Variants in AHDC1 observed in about 807,000 individuals in gnomAD.
AHDC1 encodes the protein transcription factor Gibbin.
AHDC1 carries 7 observed loss-of-function variants against 87.9 expected under a neutral mutation model. That is an observed-to-expected ratio of 0.08 (90% CI 0.05 to 0.15). The LOEUF is 0.15. Ranked by LOEUF, AHDC1 falls within the 10% of genes least tolerant of loss-of-function variation. The pLI is 1.00. For missense variants in AHDC1, 1,841 were observed against 2,253.2 expected (o/e 0.82, Z 3.70); for synonymous variants, 1,051 against 1,006.8 (o/e 1.04, Z -0.83).
At chr1:27,602,116 CAGTCAGGCACTGGTGCAGAACCG>C (rs2089544955) in intron 3 of AHDC1, among the ~76,000 whole-genome samples, 1 of 152,128 alleles carries the variant, frequency 6.6e-6, no homozygotes, top group Non-Finnish European at 1.5e-5. Flanking sequence ...CTGGCCCTGC[CAGTCAGGCACTGGTGCAGAACCG>C]AGGGCACCAG....
intron 3 of AHDC1, among the ~76,000 whole-genome samples, chr1:27,589,849 C>T (rs2089174632): frequency 6.6e-6 from 1 of 152,186 alleles, no homozygotes; most frequent in Non-Finnish European, 1.5e-5. Context: ...CACCCTCCGC[C>T]CTGGGGGAGC....
intron 3 of AHDC1, among the ~76,000 whole-genome samples, chr1:27,599,011 G>A (rs1259956198): frequency 6.6e-6 from 1 of 152,160 alleles, no homozygotes; most frequent in African/African-American, 2.4e-5. Context: ...TGGGGAAACT[G>A]AGGCCCAAGA....
At chr1:27,559,178 A>T (rs1247151648) in intron 3 of AHDC1, among the ~76,000 whole-genome samples, 2 of 151,870 alleles carry the variant, frequency 1.3e-5, no homozygotes, top group African/African-American at 4.8e-5. Context: ...CAGCCTCCCG[A>T]GTAGCTGGGG....
rs539332275 is a variant in AHDC1 at position 27,550,959 on chromosome 1, C to A, written c.1157G>T (p.Arg386Leu). 1 of 1,596,630 alleles carries A rather than the reference C, an allele frequency of 6.3e-7. No homozygotes were observed. Among genetic ancestry groups the A allele is most frequent in the East Asian group, 2.2e-5 (1 of 44,664 alleles). Residue 386 changes from arginine to leucine, a missense_variant, in exon 8 of 9, where the codon CGC becomes CTC. Around this residue, in one of 13 missense-constraint regions of AHDC1, gnomAD observed 370 missense variants for 391.5 expected, o/e 0.95. Transcript: ENST00000673934. ...ACACAGGATCTTTGGCCTATCAGTG[C>A]GCCGCAAGGCGTACTTGGGGTGACC... ...PEGHPKYALRRTDRPKILCRR... is the reference protein window; with the variant it reads ...PEGHPKYALRLTDRPKILCRR...
At chr1:27,582,959 C>T (rs1354030842) in intron 3 of AHDC1, among the ~76,000 whole-genome samples, 1 of 152,166 alleles carries the variant, frequency 6.6e-6, no homozygotes, top group Non-Finnish European at 1.5e-5. Flanking sequence ...GTCACCCAGG[C>T]TGCAGTGCAA....
rs534873028 is a variant in AHDC1, at chr1:27,562,581, C to T, written c.-628-3698G>A. ...ATCTGAAGAATGCTGGGTCCCTCCC[C>T]CTGGGGAACAGTCCCACGGGCTGAC... is the stretch of plus-strand genomic sequence containing the variant. On this transcript the variant is annotated intron_variant, in intron 3 of 8. Coordinates refer to ENST00000673934, the MANE Select transcript of AHDC1 (RefSeq NM_001371928.1). This position sits in a 1 kb window ranked among gnomAD's most constrained non-coding sequence, Gnocchi z 4.4. Among the ~76,000 whole-genome samples the T allele has an allele frequency of 1.6e-4, 24 of 152,316 alleles. No individual in the cohort carries two copies. The South Asian group carries it at 1.9e-3, about 12-fold the overall frequency.
intron 3 of AHDC1, among the ~76,000 whole-genome samples, chr1:27,603,173 A>G (rs944507676): frequency 6.9e-4 from 20 of 28,878 alleles, no homozygotes; most frequent in Non-Finnish European, 8.9e-4. Flanking sequence ...CTCCCCGTCC[A>G]CCTCCCCCTC....
intron 8 of AHDC1, among the ~76,000 whole-genome samples, chr1:27,543,171 G>A (rs1313946794): frequency 6.6e-6 from 1 of 152,214 alleles, no homozygotes; most frequent in Non-Finnish European, 1.5e-5. Context: ...ATTTCTCTTG[G>A]CCTCAGGTCA....
chr1:27,588,504 G>A (rs1001337104), intron 3 of AHDC1, among the ~76,000 whole-genome samples: 4 of 152,238 alleles, frequency 2.6e-5, no homozygotes, highest in Admixed American at 6.5e-5. Flanking sequence ...AGGCAGGGCC[G>A]GAGATAGACG....
At chr1:27,582,336 T>C (rs191550082) in intron 3 of AHDC1, among the ~76,000 whole-genome samples, 8 of 152,388 alleles carry the variant, frequency 5.2e-5, no homozygotes, top group Non-Finnish European at 7.3e-5. Flanking sequence ...GCAATACCTG[T>C]ATCTCACTTG....
Position 27,590,833 on chromosome 1 carries a change from T to A in AHDC1, c.-629+12564A>T, listed in dbSNP as rs982141060. 6.6e-6 allele frequency among the ~76,000 whole-genome samples: 1 copy of A among 152,094 alleles called. No homozygotes were observed. The highest frequency in any genetic ancestry group is 2.4e-5 in the African/African-American group (1 of 41,410). On this transcript the variant is annotated intron_variant, in intron 3 of 8. Transcript: ENST00000673934. This position sits in a 1 kb window ranked among gnomAD's most constrained non-coding sequence, Gnocchi z 5.4. ...TTTCTTTCTCGTGGGAGGGTGCAAT[T>A]TCCGGAGGGGATGAGCATCAGCTGG...
In AHDC1 at chr1:27,545,471, C is replaced by T. The variant is rs933122797; in HGVS notation, c.*43+1790G>A. The stretch of plus-strand genomic sequence containing the variant: ...TGGTTCCATTATGTACTTCACTGAG[C>T]TGTGACCTGCCCAAACACCCAGCCC... On this transcript the variant is annotated intron_variant, in intron 8 of 8. Coordinates refer to ENST00000673934, the MANE Select transcript of AHDC1 (RefSeq NM_001371928.1). 5.3e-5 allele frequency among the ~76,000 whole-genome samples: 8 copies of T among 152,268 alleles called. No individual in the cohort carries two copies. The South Asian group carries it at 1.7e-3, about 32-fold the overall frequency.
At chr1:27,545,997 A>C (rs2019149071) in intron 8 of AHDC1, among the ~76,000 whole-genome samples, 1 of 152,150 alleles carries the variant, frequency 6.6e-6, no homozygotes, top group South Asian at 2.1e-4. Context: ...AGAGGGGGCA[A>C]CAAGTTTCCA....
chr1:27,592,079 C>G (rs74060541), intron 3 of AHDC1, among the ~76,000 whole-genome samples: 2,456 of 152,252 alleles, frequency 0.016, 60 homozygotes, highest in African/African-American at 0.055. Flanking sequence ...CTAGCTGTCT[C>G]CCCTATTTGT....
rs1194882166 is a variant in AHDC1 at position 27,595,246 on chromosome 1, G to A, written c.-629+8151C>T. On this transcript the variant is annotated intron_variant, in intron 3 of 8. Transcript: ENST00000673934. This position sits in a 1 kb window ranked among gnomAD's most constrained non-coding sequence, Gnocchi z 4.0. ...GAGGCTGTATGTTTGGAAAGGTATA[G>A]GGGATGATACCGGTGTTTGGGGAAG... Among the ~76,000 whole-genome samples, 1 of 152,032 alleles carries A rather than the reference G, an allele frequency of 6.6e-6. No individual in the cohort carries two copies. The highest frequency in any genetic ancestry group is 2.4e-5 in the African/African-American group (1 of 41,352).
intron 3 of AHDC1, among the ~76,000 whole-genome samples, chr1:27,582,964 G>A (rs535581133): frequency 2.6e-4 from 40 of 152,232 alleles, no homozygotes; most frequent in African/African-American, 6.7e-4. Flanking sequence ...CCAGGCTGCA[G>A]TGCAATAGCG....
At position 27,598,009 on chromosome 1, in the gene AHDC1, T is replaced by A. The variant is rs1414871379; in HGVS notation, c.-629+5388A>T. 6.6e-6 allele frequency among the ~76,000 whole-genome samples: 1 copy of A among 152,194 alleles called. No homozygotes were observed. The highest frequency in any genetic ancestry group is 1.5e-5 in the Non-Finnish European group (1 of 68,038). ...GTCTGTCTGTGTGTGGGTGTCTCTG[T>A]CCATCTGTTTCACCACCCATCTGTC... On this transcript the variant is annotated intron_variant, in intron 3 of 8. Coordinates refer to ENST00000673934, the MANE Select transcript of AHDC1 (RefSeq NM_001371928.1). This position sits in a 1 kb window ranked among gnomAD's most constrained non-coding sequence, Gnocchi z 4.2.
Position 27,595,218 on chromosome 1 carries a change from G to T in AHDC1, c.-629+8179C>A, listed in dbSNP as rs1264474760. Among the ~76,000 whole-genome samples, 1 of 152,042 alleles carries T rather than the reference G, an allele frequency of 6.6e-6. No individual in the cohort carries two copies. Among genetic ancestry groups the T allele is most frequent in the African/African-American group, 2.4e-5 (1 of 41,350 alleles). On this transcript the variant is annotated intron_variant, in intron 3 of 8. Transcript: ENST00000673934. This position sits in a 1 kb window ranked among gnomAD's most constrained non-coding sequence, Gnocchi z 4.0. ...AGCAGTGAGTGTATGTGTGTTGTAG[G>T]GGGAGGCTGTATGTTTGGAAAGGTA...
chr1:27,580,879 G>C (rs2088887519), intron 3 of AHDC1, among the ~76,000 whole-genome samples: 1 of 151,512 alleles, frequency 6.6e-6, no homozygotes. Context: ...TCTGTCGCCA[G>C]GCTGGAGTGC....
Sources: allele counts gnomAD v4.1 joint callset (sites outside exome capture counted in the v4.1 genomes callset), GRCh38; gene constraint gnomAD v4.1.1; regional missense constraint gnomAD v4.1.1; non-coding constraint Gnocchi (gnomAD v3.1); transcripts MANE v1.5; gene names NCBI Gene and HGNC (gene_info 2026-07-23, HGNC 2026-07-21).